The following MEA1 variants were observed in gnomAD, a reference collection of about 807,000 sequenced individuals.
MEA1 encodes the protein Male-enhanced antigen (H-Y structural gene).
A neutral mutation model predicts 21.4 loss-of-function variants in MEA1; 22 were observed. The ratio of observed to expected loss-of-function variants is 1.03; its 90% CI spans 0.73 to 1.47. MEA1 has a LOEUF of 1.47. Ranked by LOEUF, MEA1 falls within the 40% of genes most tolerant of loss-of-function variation. The probability of loss-of-function intolerance (pLI) is 0.00; values close to 1 mark genes in which losing one functional copy is unlikely to be tolerated. For synonymous variants in MEA1, 91 were observed against 85.5 expected (o/e 1.06, Z -0.35); for missense variants, 233 against 230.5 (o/e 1.01, Z -0.07).
chr6:43,011,529 C>CT lies in MEA1; in HGVS notation c.*940_*941insA. On this transcript the variant is annotated 3_prime_UTR_variant, in exon 4 of 4. Coordinates refer to ENST00000244711, the MANE Select transcript of MEA1 (RefSeq NM_014623.4). Reference sequence around the variant, plus strand: ...AGCACTAAGATGCTTAGTGCTCAGACAACCTGGGGATGCCTGTCCCCTACC... The same window carrying CT: ...AGCACTAAGATGCTTAGTGCTCAGACTAACCTGGGGATGCCTGTCCCCTACC... 5.4e-6 allele frequency: 3 copies of CT among 560,218 alleles called. No homozygotes were observed. Among genetic ancestry groups the CT allele is most frequent in the East Asian group, 3.1e-5 (1 of 32,202 alleles). The allele number at this position is 560,218 out of a possible 1,614,324, so 34.7% of individuals were successfully genotyped here.
Position 43,012,688 on chromosome 6 carries a change from G to C in MEA1, c.407-67C>G. The C allele has an allele frequency of 1.5e-5, 22 of 1,509,828 alleles. No individual in the cohort carries two copies. In the South Asian group the frequency reaches 2.9e-4, roughly 20 times the overall value. The allele number at this position is 1,509,828 out of a possible 1,614,324, so 93.5% of individuals were successfully genotyped here. On this transcript the variant is annotated intron_variant, in intron 3 of 3. Transcript: ENST00000244711. Reference sequence around the variant, plus strand: ...GGACCAGCTCCCCTCCCCAATCCCCGAATCAACCCAGAGCCCTTGGGCTGC... The same window carrying C: ...GGACCAGCTCCCCTCCCCAATCCCCCAATCAACCCAGAGCCCTTGGGCTGC...
upstream of MEA1, chr6:43,014,288 A>G (rs1310194775): frequency 5.4e-6 from 4 of 744,742 alleles, no homozygotes; most frequent in African/African-American, 7.1e-5. Flanking sequence ...TTGGCGCGCA[A>G]CGGGTTCTAG....
In MEA1 at chr6:43,013,874, C is replaced by G; in HGVS notation, c.-61G>C. The G allele has an allele frequency of 6.6e-7, 1 of 1,517,096 alleles. No homozygotes were observed. The highest frequency in any genetic ancestry group is 1.3e-5 in the South Asian group (1 of 79,614). The allele number at this position is 1,517,096 out of a possible 1,614,324, so 94.0% of individuals were successfully genotyped here. ...CCACCCGCCCCCATCCGAATCCCGG[C>G]GCCGGTGTTCCCGCGCGCCTCACCC... On this transcript the variant is annotated 5_prime_UTR_variant, in exon 1 of 4. Transcript: ENST00000244711.
At position 43,013,178 on chromosome 6, in the gene MEA1, C is replaced by T. The variant is rs1762435493; in HGVS notation, c.240G>A (p.Glu80=). The change falls in exon 2 of 4, where the codon GAG becomes GAA. Residue 80 remains glutamate (E), a synonymous_variant. Transcript: ENST00000244711. ...YQPLNQDPEQ[E]EVELAPVGDG... is the part of the protein sequence containing the mutation. ...CCCCCACTGGTGCCAGTTCCACCTCCTCTTGTTCAGGATCTTGGTTCAGGG... is the reference window on the plus strand; with the variant it reads ...CCCCCACTGGTGCCAGTTCCACCTCTTCTTGTTCAGGATCTTGGTTCAGGG... 2 of 1,614,068 alleles carry T rather than the reference C, an allele frequency of 1.2e-6. No individual in the cohort carries two copies. Among genetic ancestry groups the T allele is most frequent in the African/African-American group, 1.3e-5 (1 of 74,920 alleles).
chr6:43,013,883 TC>T lies in MEA1; in HGVS notation c.-71del. ...CCCATCCGAATCCCGGCGCCGGTGTTCCCGCGCGCCTCACCCGCTCAGAGCC... is the reference window on the plus strand; with the variant it reads ...CCCATCCGAATCCCGGCGCCGGTGTTCCGCGCGCCTCACCCGCTCAGAGCC... On this transcript the variant is annotated 5_prime_UTR_variant, in exon 1 of 4. Transcript: ENST00000244711. 1 of 1,512,650 alleles carries T rather than the reference TC, an allele frequency of 6.6e-7. No individual in the cohort carries two copies. Among genetic ancestry groups the T allele is most frequent in the Non-Finnish European group, 8.8e-7 (1 of 1,131,170 alleles). 93.7% of individuals were successfully genotyped at this position (1,512,650 alleles called of 1,614,324 possible). A position where few individuals can be genotyped will look rare whatever the true frequency, so the allele number is the denominator to read the frequency against.
In MEA1 at chr6:43,013,276, C is replaced by A; in HGVS notation, c.142G>T (p.Asp48Tyr). 6.2e-7 allele frequency: 1 copy of A among 1,614,186 alleles called. No homozygotes were observed. The highest frequency in any genetic ancestry group is 8.5e-7 in the Non-Finnish European group (1 of 1,180,024). Residue 48 changes from aspartate to tyrosine, a missense_variant, in exon 2 of 4, where the codon GAT becomes TAT. By Grantham distance (160) the Asp-to-Tyr change is radical (BLOSUM62 -3). Transcript: ENST00000244711. ...TCCTCAGGCTCCTCACTGCTCCAATCCCCAGTGCCTTCTGAAGGGCCCTGA... is the reference window on the plus strand; with the variant it reads ...TCCTCAGGCTCCTCACTGCTCCAATACCCAGTGCCTTCTGAAGGGCCCTGA... ...GHQGPSEGTG[D>Y]WSSEEPEEEQ...
upstream of MEA1, among the ~76,000 whole-genome samples, chr6:43,015,941 T>G (rs538121168): frequency 6.7e-6 from 1 of 149,932 alleles, no homozygotes; most frequent in East Asian, 2.0e-4. Flanking sequence ...TCCCTTCCCC[T>G]TTTTTTTTGT....
upstream of MEA1, chr6:43,014,678 CAG>C (rs1370598724): frequency 2.2e-6 from 1 of 454,848 alleles, no homozygotes; most frequent in African/African-American, 2.0e-5. Flanking sequence ...TGGAAGAAGA[CAG>C]GGATAGAGTC....
rs1334778360 is a variant in MEA1 at position 43,011,617 on chromosome 6, C to T, written c.*853G>A. ...AGTACACACAGGAATACATACGCTCCTCTATTCTTCCCTTCATCCTCATTT... is the reference window on the plus strand; with the variant it reads ...AGTACACACAGGAATACATACGCTCTTCTATTCTTCCCTTCATCCTCATTT... On this transcript the variant is annotated 3_prime_UTR_variant, in exon 4 of 4. Transcript: ENST00000244711. 8.8e-6 allele frequency: 3 copies of T among 340,436 alleles called. No homozygotes were observed. Among genetic ancestry groups the T allele is most frequent in the Admixed American group, 4.4e-5 (1 of 22,496 alleles). 21.1% of individuals were successfully genotyped at this position (340,436 alleles called of 1,614,324 possible).
chr6:43,013,959 C>G (rs1039942564), upstream of MEA1: 1 of 1,437,212 alleles, frequency 7.0e-7, no homozygotes, highest in Non-Finnish European at 9.1e-7. Context: ...GCCTAGTCCT[C>G]CAGCCCCGCC....
chr6:43,013,617 A>T, intron 1 of MEA1, 169 bp downstream of exon 1: 2 of 839,652 alleles, frequency 2.4e-6, no homozygotes, highest in Non-Finnish European at 3.8e-6. Flanking sequence ...CTTCCTAGTT[A>T]AACGCCCAAC....
chr6:43,015,187 A>C (rs1268136877), upstream of MEA1, among the ~76,000 whole-genome samples: 4 of 152,074 alleles, frequency 2.6e-5, no homozygotes, highest in Non-Finnish European at 4.4e-5. Context: ...CCCAGACCCA[A>C]GATATTTTGG....
Position 43,013,940 on chromosome 6 carries a change from T to G in MEA1, c.-127A>C, listed in dbSNP as rs752964573. The G allele has an allele frequency of 4.1e-6, 6 of 1,462,720 alleles. No individual in the cohort carries two copies. The highest frequency in any genetic ancestry group is 2.9e-5 in the African/African-American group (2 of 69,596). 90.6% of individuals were successfully genotyped at this position (1,462,720 alleles called of 1,614,324 possible). On this transcript the variant is annotated 5_prime_UTR_variant, in exon 1 of 4. Transcript: ENST00000244711. ...CCTCCACTTCCGGCGGGGCAGGACG[T>G]GCAGAGGTGCCTAGTCCTCCAGCCC...
At chr6:43,012,844 CT>C in intron 3 of MEA1, 81 bp downstream of exon 3, 1 of 1,374,452 alleles carries the variant, frequency 7.3e-7, no homozygotes, top group Non-Finnish European at 1.0e-6. Flanking sequence ...AGGATAGGGT[CT>C]TCCTCTGAAA....
Position 43,012,970 on chromosome 6 carries a change from C to T in MEA1, c.362G>A (p.Gly121Glu). The T allele has an allele frequency of 6.2e-7, 1 of 1,614,146 alleles. No homozygotes were observed. The highest frequency in any genetic ancestry group is 8.5e-7 in the Non-Finnish European group (1 of 1,180,022). ...PLESEDEDEEGATALNNHSSI... is the reference protein window; with the variant it reads ...PLESEDEDEEEATALNNHSSI... Reference sequence around the variant, plus strand: ...GCTGTGGTTGTTCAACGCTGTAGCTCCCTCCTCATCTTCATCTTCACTCTC... The same window carrying T: ...GCTGTGGTTGTTCAACGCTGTAGCTTCCTCCTCATCTTCATCTTCACTCTC... The change falls in exon 3 of 4, where the codon GGA (glycine) becomes GAA (glutamate). Residue 121 changes from glycine to glutamate, a missense_variant. By Grantham distance (98) the Gly-to-Glu change is moderately conservative. Transcript: ENST00000244711.
At chr6:43,014,173 C>A (rs942803258), upstream of MEA1, 2 of 1,407,484 alleles carry the variant, frequency 1.4e-6, no homozygotes, top group African/African-American at 2.9e-5. Context: ...ACTACAAGTC[C>A]CGAAATGCCT....
chr6:43,013,983 T>G, upstream of MEA1: 1 of 1,430,296 alleles, frequency 7.0e-7, no homozygotes, highest in Non-Finnish European at 9.2e-7. Flanking sequence ...TATCCATGAT[T>G]GACGCTGGCG....
chr6:43,011,306 A>G lies in MEA1; in HGVS notation c.*1164T>C. On this transcript the variant is annotated 3_prime_UTR_variant, in exon 4 of 4. Transcript: ENST00000244711. The stretch of plus-strand genomic sequence containing the variant: ...CTCTGACCCCTCACGTTCCTACCAC[A>G]GGGCCACAGCCCACACAGCCCTGGG... 6.2e-7 allele frequency: 1 copy of G among 1,613,208 alleles called. No individual in the cohort carries two copies. The highest frequency in any genetic ancestry group is 8.5e-7 in the Non-Finnish European group (1 of 1,179,876).
intron 1 of MEA1, 42 bp from the exon 2 acceptor site, chr6:43,013,431 C>T (rs1762448358): frequency 6.3e-7 from 1 of 1,593,500 alleles, no homozygotes. Context: ...TCGGATGAAA[C>T]CAGGCCCATC....
Sources: gnomAD v4.1 joint callset for allele counts (sites outside exome capture counted in the v4.1 genomes callset) on GRCh38, gnomAD v4.1.1 for gene constraint, MANE v1.5 for transcripts, NCBI Gene and HGNC (gene_info 2026-07-23, HGNC 2026-07-21) for gene names.